The following LILRA6 variants were observed in gnomAD, a reference collection of about 807,000 sequenced individuals.
LILRA6 encodes the protein leukocyte immunoglobulin-like receptor subfamily A member 6.
In LILRA6, 16 loss-of-function variants were observed where a neutral mutation model predicts 53.9. The observed-to-expected ratio is 0.30, with a 90% CI of 0.20 to 0.45. LILRA6 has a LOEUF of 0.45. LILRA6 is among the 20% of genes least tolerant of loss of function. The pLI is 1.00. For missense variants in LILRA6, 306 were observed against 618.6 expected, an observed-to-expected ratio of 0.49 and a Z score of 5.36; for synonymous variants, 135 against 256.4, an observed-to-expected ratio of 0.53 and a Z score of 4.52.
chr19:54,239,583 AG>A, intron 7 of LILRA6: 1 of 1,058,770 alleles, frequency 9.4e-7, no homozygotes, highest in Non-Finnish European at 1.4e-6. Flanking sequence ...GGACAGGGTC[AG>A]GGCCCTCACC....
exon 3 of LILRA6, chr19:54,242,061 G>A: frequency 7.1e-7 from 1 of 1,414,688 alleles, no homozygotes; most frequent in South Asian, 1.4e-5. Flanking sequence ...GCTGGGCTCT[G>A]ACCAGCCTGC....
intron 7 of LILRA6, 178 bp from the exon 8 acceptor site, chr19:54,239,267 GA>G: frequency 6.6e-7 from 1 of 1,505,682 alleles, no homozygotes; most frequent in East Asian, 2.3e-5. Context: ...CTCCTCCTGA[GA>G]ATCAAAACAG....
chr19:54,239,697 A>C, intron 7 of LILRA6: 1 of 1,538,958 alleles, frequency 6.5e-7, no homozygotes. Flanking sequence ...GCCTGGGGCT[A>C]CCTTGCTCCC....
chr19:54,241,364 A>G (rs2078758494), intron 4 of LILRA6: 1 of 1,057,926 alleles, frequency 9.5e-7, no homozygotes, highest in Non-Finnish European at 1.3e-6. Context: ...CAGCAAACAC[A>G]CCGATGCCTT....
chr19:54,236,713 T>C (rs990603136), downstream of LILRA6: 1 of 150,980 alleles, frequency 6.6e-6, no homozygotes, highest in East Asian at 1.9e-4. Context: ...TGAAATAATA[T>C]TCAGGCATAA....
chr19:54,242,264 G>T, exon 3 of LILRA6: 3 of 1,410,660 alleles, frequency 2.1e-6, no homozygotes, highest in Non-Finnish European at 2.9e-6. Context: ...TCCCCCAGCT[G>T]ATCACAGAGC....
intron 6 of LILRA6, 63 bp downstream of exon 6, chr19:54,240,211 T>C (rs2078714682): frequency 6.3e-7 from 1 of 1,588,560 alleles, no homozygotes; most frequent in Admixed American, 1.7e-5. Context: ...CCGAGAGCTC[T>C]CCTGGGGGCC....
In LILRA6 at chr19:54,239,044, C is replaced by A. The variant is rs905700584; in HGVS notation, c.1355G>T (p.Gly452Val). 1.9e-6 allele frequency: 3 copies of A among 1,611,436 alleles called. No individual in the cohort carries two copies. In the South Asian group the frequency reaches 3.3e-5, roughly 18 times the overall value. ...GAACACCAGGACCAAGCCTGCCATGCCCATGCGGATGAGATTCTCCACTGT... is the reference window on the plus strand; with the variant it reads ...GAACACCAGGACCAAGCCTGCCATGACCATGCGGATGAGATTCTCCACTGT... Residue 452 changes from glycine (G) to valine (V), a missense_variant, in exon 8 of 8, where the codon GGC (glycine) becomes GTC (valine). Gly to Val is a moderately radical substitution (Grantham distance 109). Coordinates refer to ENST00000396365, the Ensembl canonical transcript of LILRA6.
At chr19:54,241,436 C>T in intron 4 of LILRA6, 140 bp downstream of exon 4, 1 of 1,130,108 alleles carries the variant, frequency 8.8e-7, no homozygotes, top group Non-Finnish European at 1.2e-6. Context: ...TCAGAGCCTC[C>T]CCATGGGGTC....
chr19:54,239,357 G>A (rs1224060273), intron 7 of LILRA6: 16 of 993,866 alleles, frequency 1.6e-5, no homozygotes, highest in Non-Finnish European at 2.1e-5. Context: ...GGCTTTTACG[G>A]AGTTCCTCAA....
intron 7 of LILRA6, 75 bp from the exon 8 acceptor site, chr19:54,239,164 C>CT: frequency 6.3e-7 from 1 of 1,597,654 alleles, no homozygotes; most frequent in Non-Finnish European, 8.5e-7. Flanking sequence ...ATGCCCAACC[C>CT]AGGGCACCCC....
downstream of LILRA6, chr19:54,237,835 G>A (rs7245837): frequency 0.38 from 56,412 of 148,778 alleles, 6,881 homozygotes; most frequent in African/African-American, 0.49. Flanking sequence ...GCACGGCCTC[G>A]TAGTATCCCT....
intron 7 of LILRA6, chr19:54,239,607 C>CT (rs2078692047): frequency 8.3e-7 from 1 of 1,207,584 alleles, no homozygotes. Flanking sequence ...AGACCACGAG[C>CT]TCCAGGGAGT....
chr19:54,238,926 T>C, exon 8 of LILRA6: 1 of 1,607,938 alleles, frequency 6.2e-7, no homozygotes, highest in Non-Finnish European at 8.5e-7. Flanking sequence ...TCCACCACGC[T>C]GAAGGGTGCA....
downstream of LILRA6, chr19:54,236,660 T>C (rs1298784029): frequency 6.6e-6 from 1 of 151,024 alleles, no homozygotes; most frequent in Admixed American, 6.6e-5. Context: ...CCTATGTCCA[T>C]CAATGGATGA....
At chr19:54,239,120 G>A in intron 7 of LILRA6, 31 bp from the exon 8 acceptor site, 1 of 1,609,736 alleles carries the variant, frequency 6.2e-7, no homozygotes, top group Non-Finnish European at 8.5e-7. Flanking sequence ...GGTCACAGAG[G>A]TCCGGGCAGA....
In LILRA6 at chr19:54,241,659, C is replaced by T; in HGVS notation, c.575G>A (p.Trp192Ter). The change falls in exon 4 of 8, where the codon TGG becomes TAG. Residue 192 changes from tryptophan (W) to a stop codon, truncating the protein, a stop_gained. Transcript: ENST00000396365. LOFTEE classifies it high-confidence loss of function. ...ATAATAGTAATAGCATGTGAACCTC[C>T]ACCTGTGGCTGGGGTTCACGGGGCC... The T allele has an allele frequency of 6.6e-7, 1 of 1,510,500 alleles. No individual in the cohort carries two copies. The highest frequency in any genetic ancestry group is 9.0e-7 in the Non-Finnish European group (1 of 1,112,490). 93.6% of individuals were successfully genotyped at this position (1,510,500 alleles called of 1,614,324 possible).
At position 54,241,823 on chromosome 19, in the gene LILRA6, C is replaced by T. The variant is rs766374528; in HGVS notation, c.411G>A (p.Gly137=). The T allele has an allele frequency of 2.3e-6, 3 of 1,329,574 alleles. No homozygotes were observed. In the African/African-American group the frequency reaches 4.4e-5, roughly 19 times the overall value. The allele number at this position is 1,329,574 out of a possible 1,614,324, so 82.4% of individuals were successfully genotyped here. ...AGCCACATTGGAGGGTCATATTCCC[C>T]CCTGAGGCCACCACAGGGCTGGGCA... The change falls in exon 4 of 8, where the codon GGG becomes GGA. Residue 137 remains glycine, a synonymous_variant. Transcript: ENST00000396365.
Position 54,241,847 on chromosome 19 carries a change from C to T in LILRA6, c.387G>A (p.Leu129=), listed in dbSNP as rs771409042. 9.2e-6 allele frequency: 12 copies of T among 1,302,152 alleles called. 2 individuals are homozygous for T. Among genetic ancestry groups the T allele is most frequent in the Non-Finnish European group, 1.3e-5 (12 of 947,274 alleles). 80.7% of individuals were successfully genotyped at this position (1,302,152 alleles called of 1,614,324 possible). Residue 129 remains leucine (L), a synonymous_variant, in exon 4 of 8, where the codon CTG becomes CTA. Transcript: ENST00000396365. ...CCCCTGAGGCCACCACAGGGCTGGG[C>T]AGGGCTGAGAGGGTGGGTTTGCTAT...
Sources: gnomAD v4.1 joint callset for allele counts on GRCh38, gnomAD v4.1.1 for gene constraint, MANE v1.5 for transcripts, NCBI Gene and HGNC (gene_info 2026-07-23, HGNC 2026-07-21) for gene names.